AGTRAP: variants seen among roughly 807,000 people sequenced by gnomAD.
AGTRAP encodes angiotensin II receptor associated protein.
Under a neutral mutation model 15.2 loss-of-function variants are expected in AGTRAP, and 7 were observed. That is an observed-to-expected ratio of 0.46 (90% CI 0.26 to 0.87). The LOEUF is 0.87. AGTRAP is among the 40% of genes least tolerant of loss of function. The pLI is 0.15. For synonymous variants in AGTRAP, 74 were observed against 89.6 expected (o/e 0.83, Z 0.98); for missense variants, 187 against 213.4 (o/e 0.88, Z 0.77).
chr1:11,737,502 G>A (rs901672170), intron 1 of AGTRAP, among the ~76,000 whole-genome samples: 2 of 152,206 alleles, frequency 1.3e-5, no homozygotes, highest in Non-Finnish European at 2.9e-5. Flanking sequence ...GGTGTGCCAG[G>A]TTATTTAATC....
rs1642225259 is a variant in AGTRAP at position 11,748,437 on chromosome 1, C to T, written c.191C>T (p.Thr64Ile). Residue 64 changes from threonine to isoleucine, a missense_variant, in exon 4 of 5, where the codon ACC becomes ATC. Coordinates refer to ENST00000314340, the MANE Select transcript of AGTRAP (RefSeq NM_020350.5). ...ISMFLGGLLA[T>I]IFLDIVHISI... is the part of the protein sequence containing the mutation. ...CAGTTTCTGGGTGGCTTGCTGGCCA[C>T]CATCTTCCTGGACATCGTGCACATC... is the stretch of plus-strand genomic sequence containing the variant. 3.1e-6 allele frequency: 5 copies of T among 1,613,748 alleles called. No individual in the cohort carries two copies. The highest frequency in any genetic ancestry group is 3.4e-6 in the Non-Finnish European group (4 of 1,179,908).
intron 1 of AGTRAP, among the ~76,000 whole-genome samples, chr1:11,741,144 C>T (rs1331433625): frequency 6.6e-6 from 1 of 151,848 alleles, no homozygotes; most frequent in Non-Finnish European, 1.5e-5. Context: ...GTTCCACGCC[C>T]CCCTTCTGCC....
Position 11,748,433 on chromosome 1 carries a change from GC to G in AGTRAP, c.189del (p.Thr64ProfsTer128). 6.2e-7 allele frequency: 1 copy of G among 1,613,580 alleles called. No individual in the cohort carries two copies. The highest frequency in any genetic ancestry group is 8.5e-7 in the Non-Finnish European group (1 of 1,179,854). ...CTTGCAGTTTCTGGGTGGCTTGCTG[GC>G]CACCATCTTCCTGGACATCGTGCAC... is the stretch of plus-strand genomic sequence containing the variant. ...AISMFLGGLLATIFLDIVHIS... is the reference protein window; with the variant it reads ...AISMFLGGLLXTIFLDIVHIS... On this transcript the variant is annotated frameshift_variant, in exon 4 of 5. Transcript: ENST00000314340. LOFTEE classifies it high-confidence loss of function.
chr1:11,736,984 G>A (rs1453274375), intron 1 of AGTRAP, among the ~76,000 whole-genome samples: 1 of 152,176 alleles, frequency 6.6e-6, no homozygotes, highest in Non-Finnish European at 1.5e-5. Context: ...TGGTCAGGAA[G>A]GTGTGGACCT....
intron 1 of AGTRAP, 27 bp downstream of exon 1, chr1:11,736,262 C>T: frequency 3.1e-6 from 5 of 1,602,008 alleles, no homozygotes; most frequent in Non-Finnish European, 4.3e-6. Flanking sequence ...GGGAGGGTCC[C>T]CTTTGCGGGA....
intron 1 of AGTRAP, among the ~76,000 whole-genome samples, chr1:11,739,215 G>T (rs185317929): frequency 6.6e-6 from 1 of 152,240 alleles, no homozygotes; most frequent in East Asian, 1.9e-4. Flanking sequence ...CTCCTAGGAT[G>T]ATGGATCCAT....
intron 1 of AGTRAP, among the ~76,000 whole-genome samples, chr1:11,743,526 G>T (rs1642083831): frequency 6.6e-6 from 1 of 151,460 alleles, no homozygotes; most frequent in African/African-American, 2.4e-5. Context: ...GATTACAGGG[G>T]TGAGCCACCG....
At chr1:11,741,456 A>G (rs1642029295) in intron 1 of AGTRAP, among the ~76,000 whole-genome samples, 1 of 152,196 alleles carries the variant, frequency 6.6e-6, no homozygotes, top group Non-Finnish European at 1.5e-5. Context: ...GGGTGAATGA[A>G]AAGCAGGTGC....
At chr1:11,741,639 T>C (rs990588015) in intron 1 of AGTRAP, among the ~76,000 whole-genome samples, 3 of 152,214 alleles carry the variant, frequency 2.0e-5, no homozygotes, top group African/African-American at 7.2e-5. Context: ...GAGTCCTGGC[T>C]CTGCCACTGG....
At chr1:11,748,124 A>G (rs562596785) in intron 3 of AGTRAP, among the ~76,000 whole-genome samples, 65 of 152,208 alleles carry the variant, frequency 4.3e-4, no homozygotes, top group South Asian at 2.7e-3. Context: ...ACCTTCCTCT[A>G]TGGAGGTTCT....
At chr1:11,748,339 T>C (rs1183562405) in intron 3 of AGTRAP, 76 bp from the exon 4 acceptor site, 16 of 1,504,492 alleles carry the variant, frequency 1.1e-5, no homozygotes, top group Non-Finnish European at 1.5e-5. Flanking sequence ...TGAAACGGCT[T>C]CCCATCCGGT....
intron 1 of AGTRAP, among the ~76,000 whole-genome samples, chr1:11,739,385 T>A (rs1436460414): frequency 6.6e-6 from 1 of 151,994 alleles, no homozygotes; most frequent in African/African-American, 2.4e-5. Context: ...ACCCCACCTC[T>A]ACTAAAAATA....
At chr1:11,737,983 A>T (rs1477041842) in intron 1 of AGTRAP, among the ~76,000 whole-genome samples, 2 of 152,176 alleles carry the variant, frequency 1.3e-5, no homozygotes, top group Non-Finnish European at 2.9e-5. Context: ...ATCAACAACG[A>T]ACAGTTTTTT....
rs181308778 is a variant in AGTRAP, at chr1:11,748,989, A to C, written c.364+379A>C. 3.0e-4 allele frequency among the ~76,000 whole-genome samples: 46 copies of C among 152,222 alleles called. No homozygotes were observed. In the East Asian group the frequency reaches 6.6e-3, roughly 22 times the overall value. The stretch of plus-strand genomic sequence containing the variant: ...CTCTCTGTTCTCACCGGGGCCCATC[A>C]CTGGAACCCCATTTCCTGCCACATG... On this transcript the variant is annotated intron_variant, in intron 4 of 4. Transcript: ENST00000314340.
chr1:11,745,668 C>T lies in AGTRAP; in HGVS notation c.28-135C>T. 1.1e-6 allele frequency: 1 copy of T among 948,580 alleles called. No homozygotes were observed. The highest frequency in any genetic ancestry group is 1.7e-6 in the Non-Finnish European group (1 of 590,100). 58.8% of individuals were successfully genotyped at this position (948,580 alleles called of 1,614,324 possible). A position where few individuals can be genotyped will look rare whatever the true frequency, so the allele number is the denominator to read the frequency against. On this transcript the variant is annotated intron_variant, in intron 1 of 4. Transcript: ENST00000314340. This position sits in a 1 kb window ranked among gnomAD's most constrained non-coding sequence, Gnocchi z 4.2. Reference sequence around the variant, plus strand: ...GGGCCACCTGCAGTTGCTGGTGTGCCTTTTCAACAGACATTACTGAGGCCC... The same window carrying T: ...GGGCCACCTGCAGTTGCTGGTGTGCTTTTTCAACAGACATTACTGAGGCCC...
rs570965046 is a variant in AGTRAP, at chr1:11,745,739, C to T, written c.28-64C>T. On this transcript the variant is annotated intron_variant, in intron 1 of 4. Transcript: ENST00000314340. This position sits in a 1 kb window ranked among gnomAD's most constrained non-coding sequence, Gnocchi z 4.2. ...GGCGTCCTGTGTTTTCTGCACCCGA[C>T]GCTTTCCTGCCCCTGTGGTGGTCAT... is the stretch of plus-strand genomic sequence containing the variant. 44 of 1,577,948 alleles carry T rather than the reference C, an allele frequency of 2.8e-5. No individual in the cohort carries two copies. Among genetic ancestry groups the T allele is most frequent in the Admixed American group, 8.3e-5 (5 of 59,936 alleles).
chr1:11,748,372 C>T (rs769315822), intron 3 of AGTRAP, 43 bp from the exon 4 acceptor site: 5 of 1,579,374 alleles, frequency 3.2e-6, no homozygotes, highest in Non-Finnish European at 4.3e-6. Flanking sequence ...AGCCACGGAG[C>T]GTGGTGGGGG....
At chr1:11,736,480 C>A (rs1011783428) in intron 1 of AGTRAP, among the ~76,000 whole-genome samples, 8 of 152,210 alleles carry the variant, frequency 5.3e-5, no homozygotes, top group Non-Finnish European at 8.8e-5. Context: ...CAAGGGCCGC[C>A]CCCTCCCGGA....
intron 1 of AGTRAP, among the ~76,000 whole-genome samples, chr1:11,742,401 T>A (rs757673231): frequency 2.2e-4 from 33 of 152,204 alleles, no homozygotes; most frequent in Non-Finnish European, 4.3e-4. Flanking sequence ...TTTGTCTGTC[T>A]TTCTTTTCTG....
Sources: gnomAD v4.1 joint callset for allele counts (sites outside exome capture counted in the v4.1 genomes callset) on GRCh38, gnomAD v4.1.1 for gene constraint, Gnocchi (gnomAD v3.1) non-coding constraint, MANE v1.5 for transcripts, NCBI Gene and HGNC (gene_info 2026-07-23, HGNC 2026-07-21) for gene names.